Variants in ARIH2 observed in about 807,000 individuals in gnomAD.
ARIH2 encodes E3 ubiquitin-protein ligase ARIH2.
A neutral mutation model predicts 79.8 loss-of-function variants in ARIH2; 12 were observed. The ratio of observed to expected loss-of-function variants is 0.15; its 90% CI spans 0.10 to 0.24. The LOEUF (loss-of-function observed/expected upper bound fraction) is 0.24, where lower values mean the gene tolerates loss of function less well. Ranked by LOEUF, ARIH2 falls within the 10% of genes least tolerant of loss-of-function variation. ARIH2 has a pLI of 1.00. For missense variants in ARIH2, 301 were observed against 618.3 expected (o/e 0.49, Z 5.44); for synonymous variants, 224 against 213.9 (o/e 1.05, Z -0.41).
At chr3:48,925,845 A>G (rs778927197) in intron 2 of ARIH2, among the ~76,000 whole-genome samples, 8 of 151,250 alleles carry the variant, frequency 5.3e-5, no homozygotes, top group African/African-American at 9.7e-5. Context: ...CAGCCACCTG[A>G]GTAGCTGGGG....
At chr3:48,938,913 CAAAAAAAAAAAAAAAAA>C (rs1158929356) in intron 3 of ARIH2, among the ~76,000 whole-genome samples, 1 of 54,392 alleles carries the variant, frequency 1.8e-5, no homozygotes, top group East Asian at 6.5e-4. Flanking sequence ...GTCTTTAGAC[CAAAAAAAAAAAAAAAAA>C]AAAAAAAAAC....
intron 4 of ARIH2, among the ~76,000 whole-genome samples, chr3:48,963,413 A>T (rs1447712202): frequency 6.6e-6 from 1 of 152,220 alleles, no homozygotes; most frequent in South Asian, 2.1e-4. Context: ...CTCAATAAGG[A>T]TAGCTGAGGG....
intron 3 of ARIH2, among the ~76,000 whole-genome samples, chr3:48,942,530 G>A (rs982246115): frequency 9.3e-5 from 14 of 150,986 alleles, no homozygotes; most frequent in Non-Finnish European, 1.8e-4. Context: ...TTTTGGAGAC[G>A]GAGTCTCCGT....
rs748104060 is a variant in ARIH2 at position 48,927,865 on chromosome 3, T to G, written c.255+52T>G. Reference sequence around the variant, plus strand: ...AATCCCCCCCAGTTAAATCTAAGGATGAGCTGTTGTTAATTAATGTCTCCT... The same window carrying G: ...AATCCCCCCCAGTTAAATCTAAGGAGGAGCTGTTGTTAATTAATGTCTCCT... On this transcript the variant is annotated intron_variant, in intron 3 of 15. Transcript: ENST00000356401. 35 of 1,585,702 alleles carry G rather than the reference T, an allele frequency of 2.2e-5. No individual in the cohort carries two copies. In the South Asian group the frequency reaches 3.8e-4, roughly 17 times the overall value.
rs776140482 is a variant in ARIH2 at position 48,970,673 on chromosome 3, G to A, written c.739G>A (p.Val247Ile). Residue 247 changes from valine (V) to isoleucine (I), a missense_variant, in exon 8 of 16, where the codon GTA becomes ATA. Coordinates refer to ENST00000356401, the MANE Select transcript of ARIH2 (RefSeq NM_006321.4). ...IRVQEPRARR[V>I]QCNRCNEVFC... Reference sequence around the variant, plus strand: ...GGTACAGGAGCCTAGAGCTCGCCGAGTACAGTGCAATCGGTGCAACGAGGT... The same window carrying A: ...GGTACAGGAGCCTAGAGCTCGCCGAATACAGTGCAATCGGTGCAACGAGGT... 1.1e-5 allele frequency: 17 copies of A among 1,613,950 alleles called. No homozygotes were observed. The highest frequency in any genetic ancestry group is 1.4e-5 in the Non-Finnish European group (17 of 1,179,928).
chr3:48,958,634 G>A (rs1455646000), intron 3 of ARIH2, among the ~76,000 whole-genome samples: 3 of 152,008 alleles, frequency 2.0e-5, no homozygotes, highest in East Asian at 3.9e-4. Flanking sequence ...GCTTGAACCC[G>A]GGAGGCAGAG....
intron 4 of ARIH2, among the ~76,000 whole-genome samples, chr3:48,962,722 C>G (rs971411297): frequency 1.3e-5 from 2 of 152,196 alleles, no homozygotes; most frequent in African/African-American, 4.8e-5. Flanking sequence ...TTAGAAGCCA[C>G]ACCTCTAAGT....
At chr3:48,955,525 T>A (rs189809951) in intron 3 of ARIH2, among the ~76,000 whole-genome samples, 60 of 152,276 alleles carry the variant, frequency 3.9e-4, no homozygotes, top group South Asian at 2.1e-3. Flanking sequence ...CTCTTCACAA[T>A]TGAACAAATT....
chr3:48,980,311 C>CA, intron 12 of ARIH2, 42 bp from the exon 13 acceptor site: 1 of 1,604,528 alleles, frequency 6.2e-7, no homozygotes, highest in Non-Finnish European at 8.5e-7. Flanking sequence ...TCTGCACCTT[C>CA]ATGGGACTCC....
At chr3:48,933,772 C>T (rs1576186560) in intron 3 of ARIH2, among the ~76,000 whole-genome samples, 1 of 150,902 alleles carries the variant, frequency 6.6e-6, no homozygotes, top group East Asian at 2.0e-4. Flanking sequence ...AGGATGGTCT[C>T]GATCTCCTGA....
At chr3:48,965,472 G>T (rs1256097481) in intron 5 of ARIH2, among the ~76,000 whole-genome samples, 1 of 152,212 alleles carries the variant, frequency 6.6e-6, no homozygotes, top group Middle Eastern at 3.4e-3. Context: ...TTATAGATAG[G>T]GACTAAGTCA....
chr3:48,961,085 A>G (rs958459733), intron 3 of ARIH2, among the ~76,000 whole-genome samples: 1 of 152,196 alleles, frequency 6.6e-6, no homozygotes, highest in African/African-American at 2.4e-5. Flanking sequence ...TGTCCTTGCA[A>G]CTAGGACTGA....
intron 11 of ARIH2, among the ~76,000 whole-genome samples, chr3:48,976,317 G>A (rs768946260): frequency 9.3e-5 from 14 of 150,166 alleles, no homozygotes; most frequent in Non-Finnish European, 1.6e-4. Flanking sequence ...GGGTTCAAGC[G>A]ATTCTCACTC....
At chr3:48,919,046 TG>T (rs777957265) in intron 1 of ARIH2, 48 bp downstream of exon 1, 32 of 1,329,956 alleles carry the variant, frequency 2.4e-5, no homozygotes, top group African/African-American at 9.3e-5. Context: ...GGCTGGCCGC[TG>T]GGGGGGCCTC....
intron 1 of ARIH2, 64 bp from the exon 2 acceptor site, chr3:48,922,684 A>G (rs1431713658): frequency 6.6e-6 from 1 of 152,214 alleles, no homozygotes; most frequent in East Asian, 1.9e-4. Flanking sequence ...CTTTAAAAAA[A>G]AAATAAACTT....
intron 11 of ARIH2, 22 bp downstream of exon 11, chr3:48,975,001 T>A (rs763164522): frequency 1.4e-5 from 23 of 1,614,138 alleles, no homozygotes; most frequent in Admixed American, 3.3e-5. Flanking sequence ...GCTTGGTGTG[T>A]AAGGCCCAGT....
intron 3 of ARIH2, among the ~76,000 whole-genome samples, chr3:48,950,951 C>CTTTTTTTTTTTTTT (rs748827327): frequency 7.7e-6 from 1 of 129,236 alleles, no homozygotes; most frequent in Non-Finnish European, 1.7e-5. Flanking sequence ...CTTTCTTCTT[C>CTTTTTTTTTTTTTT]TTTTTTTTTT....
At chr3:48,937,864 A>G (rs1182733550) in intron 3 of ARIH2, among the ~76,000 whole-genome samples, 1 of 151,906 alleles carries the variant, frequency 6.6e-6, no homozygotes, top group African/African-American at 2.4e-5. Flanking sequence ...TGGCCAACAC[A>G]ATGAAACGCC....
intron 1 of ARIH2, among the ~76,000 whole-genome samples, chr3:48,921,323 C>T (rs2084774482): frequency 7.6e-6 from 1 of 131,014 alleles, no homozygotes; most frequent in Admixed American, 8.6e-5. Flanking sequence ...TTTAAATCTG[C>T]ACCTAGAACA....
Sources: allele counts gnomAD v4.1 joint callset (sites outside exome capture counted in the v4.1 genomes callset), GRCh38; gene constraint gnomAD v4.1.1; transcripts MANE v1.5; gene names NCBI Gene and HGNC (gene_info 2026-07-23, HGNC 2026-07-21).